Variants in ZFYVE28 observed in about 807,000 individuals in gnomAD.
ZFYVE28 encodes zinc finger FYVE-type containing 28.
Under a neutral mutation model 82.1 loss-of-function variants are expected in ZFYVE28, and 40 were observed. The observed-to-expected ratio is 0.49, with a 90% CI of 0.38 to 0.63. ZFYVE28 has a LOEUF of 0.63. Among genes scored for constraint, ZFYVE28 ranks in the 30% least tolerant of loss-of-function variants. ZFYVE28 has a pLI of 0.00. For missense variants in ZFYVE28, 1,321 were observed against 1,242.1 expected (o/e 1.06, Z -0.96); for synonymous variants, 612 against 546.1 (o/e 1.12, Z -1.68).
intron 1 of ZFYVE28, among the ~76,000 whole-genome samples, chr4:2,398,694 G>GGCCAAGAGCCAGTGCACAATAGGT: frequency 8.6e-6 from 1 of 116,068 alleles, no homozygotes. Flanking sequence ...GCACAATGGG[G>GGCCAAGAGCCAGTGCACAATAGGT]GGTCGAGATC....
chr4:2,282,947 A>C (rs959238215), intron 8 of ZFYVE28, among the ~76,000 whole-genome samples: 1 of 152,178 alleles, frequency 6.6e-6, no homozygotes, highest in Non-Finnish European at 1.5e-5. Context: ...AACAAAGAAC[A>C]TCAAGAGTGA....
intron 1 of ZFYVE28, among the ~76,000 whole-genome samples, chr4:2,399,662 T>C (rs1422848210): frequency 6.6e-6 from 1 of 152,232 alleles, no homozygotes; most frequent in Non-Finnish European, 1.5e-5. Flanking sequence ...CTCCTTCCGT[T>C]GCACCAGGTG....
chr4:2,336,179 C>T (rs113709899), intron 5 of ZFYVE28, among the ~76,000 whole-genome samples: 2 of 152,170 alleles, frequency 1.3e-5, no homozygotes, highest in African/African-American at 2.4e-5. Flanking sequence ...AGAATGAACA[C>T]GGAACAAAAA....
chr4:2,378,883 A>T (rs1728438162), intron 1 of ZFYVE28, among the ~76,000 whole-genome samples: 1 of 152,192 alleles, frequency 6.6e-6, no homozygotes, highest in Non-Finnish European at 1.5e-5. Context: ...GCCAAATCAG[A>T]ATCAAGGTCC....
rs1238619991 is a variant in ZFYVE28 at position 2,332,210 on chromosome 4, T to C, written c.701+3495A>G. On this transcript the variant is annotated intron_variant, in intron 6 of 12. Transcript: ENST00000290974. The surrounding 1 kb of genome is among the most constrained non-coding windows in gnomAD (Gnocchi z 4.7). ...CCCTGCCTCCCCTCTGCTCTCAGTG[T>C]TCCCTGGGGGTCACCTGGGGGGTCC... is the stretch of plus-strand genomic sequence containing the variant. Among the ~76,000 whole-genome samples the C allele has an allele frequency of 6.6e-6, 1 of 152,056 alleles. No individual in the cohort carries two copies. Among genetic ancestry groups the C allele is most frequent in the East Asian group, 1.9e-4 (1 of 5,162 alleles).
intron 1 of ZFYVE28, among the ~76,000 whole-genome samples, chr4:2,410,430 CT>C (rs35737820): frequency 4.3e-3 from 624 of 145,190 alleles, no homozygotes; most frequent in Non-Finnish European, 8.0e-3. Flanking sequence ...ATGGCGATGG[CT>C]TGTATCAGAA....
At chr4:2,303,923 C>T (rs758878189) in intron 8 of ZFYVE28, among the ~76,000 whole-genome samples, 1 of 152,238 alleles carries the variant, frequency 6.6e-6, no homozygotes, top group Admixed American at 6.5e-5. Flanking sequence ...ACAGCCCGCT[C>T]CCACTGCCCC....
At chr4:2,399,741 G>A (rs1730970589) in intron 1 of ZFYVE28, among the ~76,000 whole-genome samples, 1 of 152,248 alleles carries the variant, frequency 6.6e-6, no homozygotes. Flanking sequence ...GCAGAGCAGA[G>A]CGGAAGAAAC....
intron 1 of ZFYVE28, among the ~76,000 whole-genome samples, chr4:2,358,243 G>A (rs1725626461): frequency 6.6e-6 from 1 of 152,188 alleles, no homozygotes; most frequent in South Asian, 2.1e-4. Context: ...ACATGCATGT[G>A]CGTCCATGTA....
intron 1 of ZFYVE28, chr4:2,364,901 C>T (rs1726669970): frequency 2.0e-6 from 2 of 985,498 alleles, no homozygotes; most frequent in Non-Finnish European, 1.2e-6. Context: ...GAAGAGGCGG[C>T]GCGGAGGGAC....
Position 2,353,959 on chromosome 4 carries a change from G to A in ZFYVE28, c.154C>T (p.Leu52=). 10 of 1,563,906 alleles carry A rather than the reference G, an allele frequency of 6.4e-6. No homozygotes were observed. Among genetic ancestry groups the A allele is most frequent in the Non-Finnish European group, 8.7e-6 (10 of 1,155,028 alleles). ...TGACAGGAGCGGAACTGGCTGACCA[G>A]CAGCGTGCACCGCTGGGGGTCCTTC... is the stretch of plus-strand genomic sequence containing the variant. ...GRKDPQRCTL[L]VSQFRSCQDN... Residue 52 remains leucine, a synonymous_variant, in exon 2 of 13, where the codon CTG becomes TTG. Transcript: ENST00000290974.
At position 2,408,804 on chromosome 4, in the gene ZFYVE28, A is replaced by C. The variant is rs1156769261; in HGVS notation, c.39+9481T>G. On this transcript the variant is annotated intron_variant, in intron 1 of 12. Coordinates refer to ENST00000290974, the MANE Select transcript of ZFYVE28 (RefSeq NM_020972.3). The surrounding 1 kb of genome is among the most constrained non-coding windows in gnomAD (Gnocchi z 4.3). Reference sequence around the variant, plus strand: ...ATATAAGCCCCACCTAGATGAAGCCACGCCCAGGTGAGCCCCGCCCCACGG... The same window carrying C: ...ATATAAGCCCCACCTAGATGAAGCCCCGCCCAGGTGAGCCCCGCCCCACGG... 6.6e-6 allele frequency among the ~76,000 whole-genome samples: 1 copy of C among 151,860 alleles called. No individual in the cohort carries two copies. Among genetic ancestry groups the C allele is most frequent in the Non-Finnish European group, 1.5e-5 (1 of 67,964 alleles).
In ZFYVE28 at chr4:2,304,912, G is replaced by C; in HGVS notation, c.1428C>G (p.Thr476=). ...EGTDGASLAG[T]SSCSCLDSRL... Reference sequence around the variant, plus strand: ...GCGAGTCCAGGCAGCTGCAGGAGCTGGTGCCCGCGAGGCTGGCCCCATCTG... The same window carrying C: ...GCGAGTCCAGGCAGCTGCAGGAGCTCGTGCCCGCGAGGCTGGCCCCATCTG... Residue 476 remains threonine, a synonymous_variant, in exon 8 of 13, where the codon ACC becomes ACG. Coordinates refer to ENST00000290974, the MANE Select transcript of ZFYVE28 (RefSeq NM_020972.3). 6.2e-7 allele frequency: 1 copy of C among 1,612,716 alleles called. No homozygotes were observed. The highest frequency in any genetic ancestry group is 8.5e-7 in the Non-Finnish European group (1 of 1,179,872).
At chr4:2,404,305 G>A (rs562162899) in intron 1 of ZFYVE28, among the ~76,000 whole-genome samples, 185 of 25,988 alleles carry the variant, frequency 7.1e-3, no homozygotes, top group African/African-American at 0.011. Context: ...GCGAGACTCC[G>A]CCTCAAAAAA....
Position 2,372,563 on chromosome 4 carries a change from G to C in ZFYVE28, c.40-18490C>G, listed in dbSNP as rs1011052754. On this transcript the variant is annotated intron_variant, in intron 1 of 12. Coordinates refer to ENST00000290974, the MANE Select transcript of ZFYVE28 (RefSeq NM_020972.3). The surrounding 1 kb of genome is among the most constrained non-coding windows in gnomAD (Gnocchi z 5.2). ...GCCCTATCACCCCATCATGTGGGAG[G>C]GGTACACAGAGGTGCGGGCAGGCAG... Among the ~76,000 whole-genome samples, 12 of 152,112 alleles carry C rather than the reference G, an allele frequency of 7.9e-5. No individual in the cohort carries two copies. The highest frequency in any genetic ancestry group is 2.9e-4 in the African/African-American group (12 of 41,508).
At chr4:2,271,085 T>C (rs1055030004) in intron 12 of ZFYVE28, 16 of 740,688 alleles carry the variant, frequency 2.2e-5, no homozygotes, top group East Asian at 5.4e-5. Context: ...GTCCCCTCTC[T>C]GTGGCTGGCT....
chr4:2,359,978 T>G (rs943028981), intron 1 of ZFYVE28, among the ~76,000 whole-genome samples: 1 of 152,160 alleles, frequency 6.6e-6, no homozygotes, highest in South Asian at 2.1e-4. Context: ...CCTCGGGCCC[T>G]GGACCTGAGC....
intron 7 of ZFYVE28, among the ~76,000 whole-genome samples, chr4:2,318,329 G>A (rs536087256): frequency 2.6e-5 from 4 of 152,258 alleles, no homozygotes; most frequent in South Asian, 4.1e-4. Flanking sequence ...AGGCCGAGGC[G>A]GGCGGATCAC....
chr4:2,279,363 A>G (rs2157103), intron 8 of ZFYVE28, among the ~76,000 whole-genome samples: 94,590 of 152,106 alleles, frequency 0.62, 30,313 homozygotes, highest in African/African-American at 0.77. Flanking sequence ...CCCAGGAGGC[A>G]GAGGTTGCAG....
Sources: gnomAD v4.1 joint callset for allele counts (sites outside exome capture counted in the v4.1 genomes callset) on GRCh38, gnomAD v4.1.1 for gene constraint, Gnocchi (gnomAD v3.1) non-coding constraint, MANE v1.5 for transcripts, NCBI Gene and HGNC (gene_info 2026-07-23, HGNC 2026-07-21) for gene names.